EXT1: variants seen among roughly 807,000 people sequenced by gnomAD.
EXT1 encodes exostosin-1.
Under a neutral mutation model 82.5 loss-of-function variants are expected in EXT1, and 20 were observed. The ratio of observed to expected loss-of-function variants is 0.24; its 90% confidence interval spans 0.17 to 0.35. EXT1 has a LOEUF of 0.35. Ranked by LOEUF, EXT1 falls within the 10% of genes least tolerant of loss-of-function variation. EXT1 has a pLI of 1.00. For missense variants in EXT1, 757 were observed against 936.5 expected, an observed-to-expected ratio of 0.81 and a Z score of 2.50; for synonymous variants, 348 against 350.8, an observed-to-expected ratio of 0.99 and a Z score of 0.09.
intron 1 of EXT1, among the ~76,000 whole-genome samples, chr8:118,026,598 A>G (rs1053088109): frequency 3.8e-4 from 58 of 152,228 alleles, no homozygotes; most frequent in African/African-American, 1.3e-3. Context: ...GAAAAAAAAA[A>G]TCTCTTGAAG....
At chr8:117,985,879 T>C (rs1261354685) in intron 1 of EXT1, among the ~76,000 whole-genome samples, 1 of 152,228 alleles carries the variant, frequency 6.6e-6, no homozygotes, top group East Asian at 1.9e-4. Flanking sequence ...AAATCACTTT[T>C]CTATAGCATT....
At chr8:118,061,261 A>G (rs1816876287) in intron 1 of EXT1, among the ~76,000 whole-genome samples, 1 of 152,224 alleles carries the variant, frequency 6.6e-6, no homozygotes, top group Non-Finnish European at 1.5e-5. Context: ...TATTATCAAC[A>G]AAGACAGCTC....
At chr8:118,027,310 CTT>C (rs1218085696) in intron 1 of EXT1, among the ~76,000 whole-genome samples, 1 of 124,104 alleles carries the variant, frequency 8.1e-6, no homozygotes, top group Non-Finnish European at 1.6e-5. Flanking sequence ...AAATCAGTTT[CTT>C]TCACACACAC....
At chr8:118,013,365 C>T (rs755696513) in intron 1 of EXT1, among the ~76,000 whole-genome samples, 3 of 152,092 alleles carry the variant, frequency 2.0e-5, no homozygotes, top group Non-Finnish European at 4.4e-5. Context: ...CCCGTCACTG[C>T]GCCCAACTAA....
chr8:118,016,077 G>A (rs1815997274), intron 1 of EXT1, among the ~76,000 whole-genome samples: 1 of 152,220 alleles, frequency 6.6e-6, no homozygotes, highest in Admixed American at 6.5e-5. Context: ...GCATCTGTGA[G>A]AGAATAGATT....
chr8:117,879,796 A>G (rs1357042545), intron 1 of EXT1, among the ~76,000 whole-genome samples: 3 of 152,224 alleles, frequency 2.0e-5, no homozygotes, highest in Non-Finnish European at 2.9e-5. Flanking sequence ...ACTCCTAAAA[A>G]GATGTGGTCC....
intron 1 of EXT1, among the ~76,000 whole-genome samples, chr8:118,105,566 C>T (rs79392614): frequency 0.02 from 3,033 of 151,792 alleles, 100 homozygotes; most frequent in African/African-American, 0.069. Context: ...TAGAAAGAGG[C>T]GAGAAAGGAA....
intron 1 of EXT1, among the ~76,000 whole-genome samples, chr8:118,091,439 C>A (rs757764265): frequency 6.6e-6 from 1 of 152,030 alleles, no homozygotes; most frequent in Non-Finnish European, 1.5e-5. Flanking sequence ...TGTGTTATTA[C>A]AAAAAAATAA....
At chr8:117,919,194 T>C (rs1438539188) in intron 1 of EXT1, among the ~76,000 whole-genome samples, 1 of 137,174 alleles carries the variant, frequency 7.3e-6, no homozygotes, top group South Asian at 2.2e-4. Context: ...ATCTGAGGTG[T>C]TTTTTTTTTT....
chr8:117,982,758 C>T (rs186932136), intron 1 of EXT1, among the ~76,000 whole-genome samples: 1 of 152,214 alleles, frequency 6.6e-6, no homozygotes, highest in Admixed American at 6.5e-5. Context: ...TCCCAAAGTG[C>T]TGGGATTACA....
At chr8:117,919,315 A>G (rs781610927) in intron 1 of EXT1, among the ~76,000 whole-genome samples, 5 of 151,480 alleles carry the variant, frequency 3.3e-5, no homozygotes, top group Admixed American at 2.6e-4. Context: ...CCTCCAGAAC[A>G]GCTGGCACTA....
At chr8:117,873,338 T>C (rs1410043995) in intron 1 of EXT1, among the ~76,000 whole-genome samples, 1 of 152,074 alleles carries the variant, frequency 6.6e-6, no homozygotes, top group Non-Finnish European at 1.5e-5. Flanking sequence ...GTAATCTATA[T>C]ATGCAAACTT....
At chr8:117,999,051 T>TGAGA (rs1314193600) in intron 1 of EXT1, among the ~76,000 whole-genome samples, 1 of 152,162 alleles carries the variant, frequency 6.6e-6, no homozygotes, top group Non-Finnish European at 1.5e-5. Context: ...AATTCCGGAA[T>TGAGA]GAGAGGCTGG....
At chr8:118,004,355 T>C (rs1050440702) in intron 1 of EXT1, among the ~76,000 whole-genome samples, 1 of 152,204 alleles carries the variant, frequency 6.6e-6, no homozygotes, top group African/African-American at 2.4e-5. Context: ...TACTGTTGCA[T>C]CTCCAGGACC....
At chr8:118,102,571 C>T (rs1189339345) in intron 1 of EXT1, among the ~76,000 whole-genome samples, 1 of 152,148 alleles carries the variant, frequency 6.6e-6, no homozygotes, top group African/African-American at 2.4e-5. Context: ...CTGGCACAAA[C>T]AAGACACTTA....
intron 1 of EXT1, among the ~76,000 whole-genome samples, chr8:118,000,748 A>C (rs1256179227): frequency 2.0e-5 from 3 of 152,220 alleles, no homozygotes; most frequent in Non-Finnish European, 2.9e-5. Flanking sequence ...AGCTGTAACT[A>C]GAAATAGAGC....
intron 1 of EXT1, among the ~76,000 whole-genome samples, chr8:118,052,728 G>A (rs374147563): frequency 8.5e-5 from 13 of 152,326 alleles, no homozygotes; most frequent in African/African-American, 2.9e-4. Flanking sequence ...AGCAGCATAG[G>A]TTCATTAGAT....
intron 1 of EXT1, among the ~76,000 whole-genome samples, chr8:117,982,237 C>A (rs563778770): frequency 1.0e-3 from 158 of 152,284 alleles, no homozygotes; most frequent in Non-Finnish European, 4.3e-4. Flanking sequence ...CAGTTCCTTG[C>A]GGGTGTAAGA....
At chr8:117,932,911 A>T (rs1814087663) in intron 1 of EXT1, among the ~76,000 whole-genome samples, 1 of 152,178 alleles carries the variant, frequency 6.6e-6, no homozygotes, top group East Asian at 1.9e-4. Flanking sequence ...TGAGTAACCT[A>T]TCCAAGGACA....
Sources: gnomAD v4.1 joint callset for allele counts (sites outside exome capture counted in the v4.1 genomes callset) on GRCh38, gnomAD v4.1.1 for gene constraint, MANE v1.5 for transcripts, NCBI Gene and HGNC (gene_info 2026-07-23, HGNC 2026-07-21) for gene names.